The following CTNNA3 variants were observed in gnomAD, a reference collection of about 807,000 sequenced individuals.
The protein encoded by CTNNA3 is catenin alpha-3.
In CTNNA3, 76 loss-of-function variants were observed where a neutral mutation model predicts 95.7. The ratio of observed to expected loss-of-function variants is 0.79; its 90% confidence interval spans 0.66 to 0.96. The LOEUF is 0.96. Among genes scored for constraint, CTNNA3 ranks in the 40% least tolerant of loss-of-function variants. CTNNA3 has a pLI of 0.00. For missense variants in CTNNA3, 1,191 were observed against 1,089.8 expected, an observed-to-expected ratio of 1.09 and a Z score of -1.31; for synonymous variants, 431 against 374.4, an observed-to-expected ratio of 1.15 and a Z score of -1.74.
At chr10:66,533,971 A>G (rs2132057123) in intron 10 of CTNNA3, among the ~76,000 whole-genome samples, 1 of 152,254 alleles carries the variant, frequency 6.6e-6, no homozygotes, top group South Asian at 2.1e-4. Flanking sequence ...CTGCAGTCAC[A>G]AAAAATAGGG....
intron 7 of CTNNA3, among the ~76,000 whole-genome samples, chr10:66,800,493 AAC>A (rs572148008): frequency 1.7e-4 from 25 of 151,280 alleles, no homozygotes; most frequent in Non-Finnish European, 2.8e-4. Flanking sequence ...AAAACAATGA[AAC>A]AGGCAAATAT....
chr10:67,648,148 G>GA (rs1326649728), intron 1 of CTNNA3, among the ~76,000 whole-genome samples: 2 of 151,462 alleles, frequency 1.3e-5, no homozygotes, highest in East Asian at 1.9e-4. Flanking sequence ...AAAATAAGAA[G>GA]AAAAAAAAGA....
chr10:66,974,222 A>G (rs1289255162), intron 7 of CTNNA3, among the ~76,000 whole-genome samples: 2 of 152,182 alleles, frequency 1.3e-5, no homozygotes, highest in Non-Finnish European at 2.9e-5. Context: ...TCTTTTGCTC[A>G]TTACAAGTTT....
chr10:67,246,800 AAG>A (rs1865925549), intron 5 of CTNNA3, among the ~76,000 whole-genome samples: 1 of 152,160 alleles, frequency 6.6e-6, no homozygotes, highest in African/African-American at 2.4e-5. Flanking sequence ...CCTTTCTAGG[AAG>A]ACTCAGCTCT....
chr10:67,268,174 A>T (rs969654331), intron 5 of CTNNA3, among the ~76,000 whole-genome samples: 3 of 152,020 alleles, frequency 2.0e-5, no homozygotes, highest in African/African-American at 7.2e-5. Flanking sequence ...AGAATCAATC[A>T]TTTAACAGTG....
chr10:66,467,527 A>G (rs1414010478), intron 11 of CTNNA3, among the ~76,000 whole-genome samples: 11 of 152,056 alleles, frequency 7.2e-5, no homozygotes, highest in Admixed American at 6.6e-4. Flanking sequence ...GACTGGTTTA[A>G]GAACGGGCAA....
intron 11 of CTNNA3, among the ~76,000 whole-genome samples, chr10:66,450,473 T>A (rs2093456293): frequency 6.6e-6 from 1 of 152,132 alleles, no homozygotes; most frequent in Non-Finnish European, 1.5e-5. Context: ...AGCAAAACAC[T>A]AAGCATTTTA....
chr10:65,935,064 T>C (rs962421821), intron 17 of CTNNA3, among the ~76,000 whole-genome samples: 3 of 152,108 alleles, frequency 2.0e-5, no homozygotes, highest in Non-Finnish European at 2.9e-5. Context: ...ATAAGACATG[T>C]ACAAGCCAGT....
chr10:66,784,644 A>G (rs1171229597), intron 7 of CTNNA3, among the ~76,000 whole-genome samples: 1 of 152,210 alleles, frequency 6.6e-6, no homozygotes, highest in African/African-American at 2.4e-5. Flanking sequence ...AACTAAATAC[A>G]TATAGGGCAT....
intron 1 of CTNNA3, among the ~76,000 whole-genome samples, chr10:67,688,577 T>A (rs1276024994): frequency 6.6e-6 from 1 of 152,174 alleles, no homozygotes; most frequent in Non-Finnish European, 1.5e-5. Flanking sequence ...ATCTTTCCCA[T>A]CAGAGAGAGA....
In CTNNA3 at chr10:66,199,522, C is replaced by G. The variant is rs374561483; in HGVS notation, c.1884+80948G>C. ...GTATGTATGGTCTTTACATTTTATC[C>G]TACGTTCATTTTATGACATAAAAAC... On this transcript the variant is annotated intron_variant, in intron 13 of 17. Coordinates refer to ENST00000433211, the MANE Select transcript of CTNNA3 (RefSeq NM_013266.4). Among the ~76,000 whole-genome samples the G allele has an allele frequency of 1.3e-4, 19 of 151,164 alleles. No individual in the cohort carries two copies. In the East Asian group the frequency reaches 2.1e-3, roughly 17 times the overall value.
chr10:66,314,488 T>G (rs2092071291), intron 12 of CTNNA3, among the ~76,000 whole-genome samples: 1 of 152,122 alleles, frequency 6.6e-6, no homozygotes, highest in African/African-American at 2.4e-5. Flanking sequence ...ATATCATTCT[T>G]TTTTCCTTTT....
chr10:66,733,455 TAGG>T (rs1372946612), intron 9 of CTNNA3, among the ~76,000 whole-genome samples: 3 of 152,094 alleles, frequency 2.0e-5, no homozygotes, highest in Admixed American at 6.5e-5. Flanking sequence ...AACACTTTCC[TAGG>T]AGAAGTGTTG....
At chr10:66,953,597 G>C (rs1212246076) in intron 7 of CTNNA3, among the ~76,000 whole-genome samples, 1 of 151,868 alleles carries the variant, frequency 6.6e-6, no homozygotes, top group Non-Finnish European at 1.5e-5. Context: ...TTCTAAGATA[G>C]CTATAAACTT....
chr10:66,205,780 A>C (rs965165155), intron 13 of CTNNA3, among the ~76,000 whole-genome samples: 1 of 152,014 alleles, frequency 6.6e-6, no homozygotes, highest in African/African-American at 2.4e-5. Context: ...AAAATGATCC[A>C]TTTATCCATA....
chr10:67,220,581 A>T, intron 5 of CTNNA3, among the ~76,000 whole-genome samples: 1 of 152,140 alleles, frequency 6.6e-6, no homozygotes, highest in East Asian at 1.9e-4. Flanking sequence ...GAAAACACAA[A>T]AGTGAAGTGT....
At chr10:66,712,288 AT>A (rs1848320791) in intron 9 of CTNNA3, among the ~76,000 whole-genome samples, 2 of 152,112 alleles carry the variant, frequency 1.3e-5, no homozygotes, top group Non-Finnish European at 2.9e-5. Context: ...TATATCAGTT[AT>A]TTCCCCTAGG....
intron 6 of CTNNA3, among the ~76,000 whole-genome samples, 157 bp downstream of exon 6, chr10:67,219,450 A>T (rs1366405648): frequency 6.6e-6 from 1 of 152,216 alleles, no homozygotes; most frequent in Non-Finnish European, 1.5e-5. Context: ...CTTTCCTGTT[A>T]ATCAATTCTT....
chr10:67,202,610 A>T (rs78559192), intron 6 of CTNNA3, among the ~76,000 whole-genome samples: 1 of 152,180 alleles, frequency 6.6e-6, no homozygotes, highest in African/African-American at 2.4e-5. Context: ...TGTAAGAATT[A>T]ATAATTCTCA....
Sources: gnomAD v4.1 joint callset for allele counts (sites outside exome capture counted in the v4.1 genomes callset) on GRCh38, gnomAD v4.1.1 for gene constraint, MANE v1.5 for transcripts, NCBI Gene and HGNC (gene_info 2026-07-23, HGNC 2026-07-21) for gene names.